The following SLC5A2 variants were observed in gnomAD, a reference collection of about 807,000 sequenced individuals.
The protein encoded by SLC5A2 is solute carrier family 5 member 2, also known as sodium/glucose cotransporter 2.
Under a neutral mutation model 69.0 loss-of-function variants are expected in SLC5A2, and 67 were observed. The observed-to-expected ratio is 0.97, with a 90% CI of 0.80 to 1.19. The LOEUF is 1.19. Among genes scored for constraint, SLC5A2 ranks in the 50% most tolerant of loss-of-function variants. SLC5A2 has a pLI of 0.00. For missense variants in SLC5A2, 1,001 were observed against 921.5 expected, an observed-to-expected ratio of 1.09 and a Z score of -1.12; for synonymous variants, 455 against 395.8, an observed-to-expected ratio of 1.15 and a Z score of -1.78.
chr16:31,490,164 G>C lies in SLC5A2; in HGVS notation c.1726G>C (p.Asp576His), dbSNP rs1350055142. ...GGAGGAACGGGAGGACCTGGATGCT[G>C]ATGAGCAGCAAGGCTCCTCACTCCC... ...SKEEREDLDA[D>H]EQQGSSLPVQ... The change falls in exon 13 of 14, where the codon GAT (aspartate) becomes CAT (histidine). Residue 576 changes from aspartate to histidine, a missense_variant. By Grantham distance (81) the Asp-to-His change is moderately conservative. Transcript: ENST00000330498. 7 of 1,614,164 alleles carry C rather than the reference G, an allele frequency of 4.3e-6. No homozygotes were observed. Among genetic ancestry groups the C allele is most frequent in the Non-Finnish European group, 5.9e-6 (7 of 1,180,028 alleles).
intron 4 of SLC5A2, 54 bp from the exon 5 acceptor site, chr16:31,486,116 G>T: frequency 7.2e-7 from 1 of 1,393,864 alleles, no homozygotes; most frequent in South Asian, 1.2e-5. Flanking sequence ...TGGGCAGGAG[G>T]TGGGCTGGGG....
chr16:31,488,359 G>A, intron 8 of SLC5A2, 24 bp from the exon 9 acceptor site: 2 of 1,609,574 alleles, frequency 1.2e-6, no homozygotes, highest in Non-Finnish European at 1.7e-6. Context: ...CCGTCCTAAC[G>A]GCGCGGTGGC....
At chr16:31,486,749 C>T (rs905039374) in intron 5 of SLC5A2, among the ~76,000 whole-genome samples, 3 of 152,310 alleles carry the variant, frequency 2.0e-5, no homozygotes, top group Admixed American at 1.3e-4. Context: ...CCTACGATGA[C>T]GCAGAAAAAA....
chr16:31,487,267 G>C (rs2082503075), intron 5 of SLC5A2, 53 bp from the exon 6 acceptor site: 1 of 1,564,550 alleles, frequency 6.4e-7, no homozygotes. Flanking sequence ...TATTGCTAAG[G>C]CCAGCCTGTA....
At chr16:31,483,435 C>T (rs745812350) in intron 1 of SLC5A2, among the ~76,000 whole-genome samples, 173 bp downstream of exon 1, 1 of 152,168 alleles carries the variant, frequency 6.6e-6, no homozygotes, top group Non-Finnish European at 1.5e-5. Context: ...AACATTCCTC[C>T]CTTGTCTTCC....
Position 31,483,147 on chromosome 16 carries a change from A to G in SLC5A2, c.11A>G (p.His4Arg). 3.7e-6 allele frequency: 6 copies of G among 1,614,050 alleles called. No homozygotes were observed. The highest frequency in any genetic ancestry group is 5.1e-6 in the Non-Finnish European group (6 of 1,180,028). The change falls in exon 1 of 14, where the codon CAC (histidine) becomes CGC (arginine). Residue 4 changes from histidine (H) to arginine (R), a missense_variant. By Grantham distance (29) the His-to-Arg change is conservative. Coordinates refer to ENST00000330498, the MANE Select transcript of SLC5A2 (RefSeq NM_003041.4). MEE[H>R]TEAGSAPEMG... is the part of the protein sequence containing the mutation. ...CAGATCCTGGGGAGAATGGAGGAGC[A>G]CACAGAGGCAGGCTCGGCACCAGAG... is the stretch of plus-strand genomic sequence containing the variant.
Position 31,485,728 on chromosome 16 carries a change from G to A in SLC5A2, c.304-1G>A. 6.2e-7 allele frequency: 1 copy of A among 1,613,056 alleles called. No homozygotes were observed. Among genetic ancestry groups the A allele is most frequent in the Admixed American group, 1.7e-5 (1 of 60,034 alleles). The stretch of plus-strand genomic sequence containing the variant: ...CTCAGCGGCAGTACTGCCCCCCGTA[G>A]GCGCTCTTCGTGGTGCTGCTACTGG... On this transcript the variant is annotated splice_acceptor_variant, in intron 3 of 13. Transcript: ENST00000330498. LOFTEE classifies it high-confidence loss of function.
In SLC5A2 at chr16:31,490,429, G is replaced by C. The variant is rs1326389375; in HGVS notation, c.1913G>C (p.Arg638Thr). The change falls in exon 14 of 14, where the codon AGG (arginine) becomes ACG (threonine). Residue 638 changes from arginine (R) to threonine (T), a missense_variant. Coordinates refer to ENST00000330498, the MANE Select transcript of SLC5A2 (RefSeq NM_003041.4). ...CAGGAGGAGGCAGCGGCAGCAGCCA[G>C]GCGGCTGGAGGACATCAGCGAGGAC... ...LTQEEAAAAARRLEDISEDPS... is the reference protein window; with the variant it reads ...LTQEEAAAAATRLEDISEDPS... 6.2e-6 allele frequency: 10 copies of C among 1,613,752 alleles called. No homozygotes were observed. Among genetic ancestry groups the C allele is most frequent in the Non-Finnish European group, 8.5e-6 (10 of 1,179,960 alleles).
At chr16:31,489,650 G>T in intron 12 of SLC5A2, 1 of 513,100 alleles carries the variant, frequency 1.9e-6, no homozygotes, top group South Asian at 2.1e-5. Context: ...CCACAAAAAG[G>T]TTTGGTTTTG....
Position 31,488,604 on chromosome 16 carries a change from GC to G in SLC5A2, c.1130-17del. On this transcript the variant is annotated splice_polypyrimidine_tract_variant and intron_variant, in intron 9 of 13. Coordinates refer to ENST00000330498, the MANE Select transcript of SLC5A2 (RefSeq NM_003041.4). ...GACCCCCAGTGGCCCCAGCCTCACG[GC>G]TGCCGTCGGCCCGCAGGTCTGCGCG... 6.2e-7 allele frequency: 1 copy of G among 1,609,208 alleles called. No individual in the cohort carries two copies. The highest frequency in any genetic ancestry group is 8.5e-7 in the Non-Finnish European group (1 of 1,178,656).
intron 7 of SLC5A2, 126 bp from the exon 8 acceptor site, chr16:31,487,912 T>A: frequency 6.8e-7 from 1 of 1,467,220 alleles, no homozygotes; most frequent in Non-Finnish European, 9.3e-7. Context: ...GAAGGCTCCA[T>A]CTACTCCAAG....
rs1405767961 is a variant in SLC5A2, at chr16:31,488,941, C to G, written c.1342C>G (p.Gln448Glu). Reference sequence around the variant, plus strand: ...CTGGCTTCCCGTGGTGCAGGCGGCACAGGGCGGGCAGCTCTTCGATTACAT... The same window carrying G: ...CTGGCTTCCCGTGGTGCAGGCGGCAGAGGGCGGGCAGCTCTTCGATTACAT... ...VAWLPVVQAA[Q>E]GGQLFDYIQA... Residue 448 changes from glutamine to glutamate, a missense_variant, in exon 11 of 14, where the codon CAG (glutamine) becomes GAG (glutamate). By Grantham distance (29) the Gln-to-Glu change is conservative (BLOSUM62 2). Coordinates refer to ENST00000330498, the MANE Select transcript of SLC5A2 (RefSeq NM_003041.4). The G allele has an allele frequency of 1.9e-6, 3 of 1,603,976 alleles. No individual in the cohort carries two copies. The highest frequency in any genetic ancestry group is 1.1e-5 in the South Asian group (1 of 91,070).
chr16:31,488,531 A>C, intron 9 of SLC5A2, 41 bp downstream of exon 9: 1 of 1,600,682 alleles, frequency 6.2e-7, no homozygotes, highest in Non-Finnish European at 8.5e-7. Context: ...CTCGCTGCGG[A>C]GCCCGCTGCT....
rs761304782 is a variant in SLC5A2, at chr16:31,488,948, G to A, written c.1349G>A (p.Gly450Glu). ...CCCGTGGTGCAGGCGGCACAGGGCG[G>A]GCAGCTCTTCGATTACATCCAGGCA... Reference protein sequence around the residue: ...WLPVVQAAQGGQLFDYIQAVS... With the variant: ...WLPVVQAAQGEQLFDYIQAVS... The change falls in exon 11 of 14, where the codon GGG (glycine) becomes GAG (glutamate). Residue 450 changes from glycine (G) to glutamate (E), a missense_variant. Transcript: ENST00000330498. 2.5e-6 allele frequency: 4 copies of A among 1,603,748 alleles called. No homozygotes were observed. The highest frequency in any genetic ancestry group is 2.7e-5 in the African/African-American group (2 of 75,056).
chr16:31,486,314 C>A, intron 5 of SLC5A2, 39 bp downstream of exon 5: 1 of 1,480,172 alleles, frequency 6.8e-7, no homozygotes, highest in Non-Finnish European at 9.4e-7. Context: ...GGGCCTGGGA[C>A]ACTGCTGCCA....
chr16:31,489,440 T>G, intron 12 of SLC5A2, 102 bp downstream of exon 12: 1 of 1,065,852 alleles, frequency 9.4e-7, no homozygotes, highest in Non-Finnish European at 1.4e-6. Flanking sequence ...CGACTGAGGG[T>G]TGGGAATGGG....
Position 31,487,547 on chromosome 16 carries a change from G to A in SLC5A2, c.673G>A (p.Gly225Arg), listed in dbSNP as rs145957533. The change falls in exon 7 of 14, where the codon GGG (glycine) becomes AGG (arginine). Residue 225 changes from glycine to arginine, a missense_variant. Gly to Arg is a moderately radical substitution (Grantham distance 125). Transcript: ENST00000330498. Reference protein sequence around the residue: ...LMGYAFHEVGGYSGLFDKYLG... With the variant: ...LMGYAFHEVGRYSGLFDKYLG... ...CCCGGCAGCCTTCCACGAGGTGGGC[G>A]GGTATTCGGGTCTCTTCGACAAATA... 9.3e-6 allele frequency: 15 copies of A among 1,613,740 alleles called. No individual in the cohort carries two copies. In the African/African-American group the frequency reaches 1.7e-4, roughly 19 times the overall value.
chr16:31,484,757 G>A lies in SLC5A2; in HGVS notation c.198+13G>A, dbSNP rs2082482135. On this transcript the variant is annotated intron_variant, in intron 2 of 13. Transcript: ENST00000330498. ...GGTGTGGTGGCCGGTGAGACGGGCT[G>A]GGCCGGGAACGGGAGGGGCCTGGAG... 6.2e-7 allele frequency: 1 copy of A among 1,610,650 alleles called. No individual in the cohort carries two copies. Among genetic ancestry groups the A allele is most frequent in the African/African-American group, 1.3e-5 (1 of 74,950 alleles).
chr16:31,489,955 TG>T, intron 12 of SLC5A2, 148 bp from the exon 13 acceptor site: 2 of 997,560 alleles, frequency 2.0e-6, no homozygotes, highest in Non-Finnish European at 3.1e-6. Flanking sequence ...CCATGTAGGG[TG>T]GAGTTGGCAT....
Sources: gnomAD v4.1 joint callset for allele counts (sites outside exome capture counted in the v4.1 genomes callset) on GRCh38, gnomAD v4.1.1 for gene constraint, MANE v1.5 for transcripts, NCBI Gene and HGNC (gene_info 2026-07-23, HGNC 2026-07-21) for gene names.